The following GRB10 variants were observed in gnomAD, a reference collection of about 807,000 sequenced individuals.
GRB10 encodes growth factor receptor bound protein 10, also known as growth factor receptor-bound protein 10.
In GRB10, 20 loss-of-function variants were observed where a neutral mutation model predicts 80.9. The observed-to-expected ratio is 0.25, with a 90% confidence interval of 0.17 to 0.36. The LOEUF (loss-of-function observed/expected upper bound fraction) is 0.36, where lower values mean the gene tolerates loss of function less well. Ranked by LOEUF, GRB10 falls within the 10% of genes least tolerant of loss-of-function variation. GRB10 has a pLI of 1.00. For missense variants in GRB10, 548 were observed against 747.7 expected (o/e 0.73, Z 3.12); for synonymous variants, 291 against 291.5 (o/e 1.00, Z 0.02).
chr7:50,767,572 G>A (rs1180765035), intron 2 of GRB10, among the ~76,000 whole-genome samples: 6 of 152,044 alleles, frequency 3.9e-5, no homozygotes, highest in South Asian at 2.1e-4. Flanking sequence ...TCCACCCATC[G>A]CACTCTTGAG....
intron 17 of GRB10, among the ~76,000 whole-genome samples, chr7:50,600,031 C>T (rs1317240215): frequency 6.6e-6 from 1 of 152,144 alleles, no homozygotes; most frequent in South Asian, 2.1e-4. Context: ...GCCACAGCAC[C>T]AAATAAAGCC....
intron 17 of GRB10, among the ~76,000 whole-genome samples, chr7:50,600,141 C>A (rs750178744): frequency 6.6e-6 from 1 of 152,194 alleles, no homozygotes; most frequent in African/African-American, 2.4e-5. Flanking sequence ...CCCCCTAGAA[C>A]ATTCTGGGCC....
chr7:50,674,986 A>C (rs1341129783), intron 5 of GRB10, among the ~76,000 whole-genome samples: 3 of 151,986 alleles, frequency 2.0e-5, no homozygotes, highest in Non-Finnish European at 2.9e-5. Context: ...TAGGCCGCAC[A>C]CAGCCACAGC....
chr7:50,657,476 CAA>C (rs2058760034), intron 7 of GRB10, among the ~76,000 whole-genome samples: 1 of 152,068 alleles, frequency 6.6e-6, no homozygotes, highest in African/African-American at 2.4e-5. Context: ...TACCCGTGAA[CAA>C]AAAGAGAGGA....
rs115786736 is a variant in GRB10, at chr7:50,602,291, C to T, written c.1544+1707G>A. On this transcript the variant is annotated intron_variant, in intron 17 of 18. Transcript: ENST00000401949. ...GCAAGTTCACCAAGGGCTGCTAAAA[C>T]CATGTGGTGGACGGGGACGGTAGCC... Among the ~76,000 whole-genome samples the T allele has an allele frequency of 1.5e-3, 230 of 152,316 alleles. 3 individuals carry two copies. Among genetic ancestry groups the T allele is most frequent in the African/African-American group, 5.2e-3 (218 of 41,560 alleles).
Position 50,674,653 on chromosome 7 carries a change from C to A in GRB10, c.145G>T (p.Asp49Tyr). The change falls in exon 6 of 19, where the codon GAT becomes TAT. Residue 49 changes from aspartate (D) to tyrosine (Y), a missense_variant. Around this residue, in one of 4 missense-constraint regions of GRB10, gnomAD observed 245 missense variants for 229.3 expected, o/e 1.07. Transcript: ENST00000401949. ...TTCACCAGGGCTTCCAGGTCCACAT[C>A]ATCCTCTGCACAGAAAAAGGCAAGA... ...SDRLANHQED[D>Y]VDLEALVNDM... 3 of 1,613,622 alleles carry A rather than the reference C, an allele frequency of 1.9e-6. No homozygotes were observed. Among genetic ancestry groups the A allele is most frequent in the Non-Finnish European group, 2.5e-6 (3 of 1,179,930 alleles).
intron 5 of GRB10, among the ~76,000 whole-genome samples, chr7:50,680,910 T>C (rs903849170): frequency 2.0e-5 from 3 of 152,158 alleles, no homozygotes; most frequent in Admixed American, 6.5e-5. Flanking sequence ...TTCTGCTACC[T>C]TGAAACTCCA....
intron 4 of GRB10, among the ~76,000 whole-genome samples, chr7:50,704,589 T>C (rs970076977): frequency 6.6e-6 from 1 of 152,256 alleles, no homozygotes; most frequent in South Asian, 2.1e-4. Flanking sequence ...TTATGATGCA[T>C]ATGTACCACT....
intron 2 of GRB10, among the ~76,000 whole-genome samples, chr7:50,777,447 C>CACAA (rs2077792311): frequency 6.6e-6 from 1 of 151,884 alleles, no homozygotes; most frequent in Non-Finnish European, 1.5e-5. Context: ...CACACACACA[C>CACAA]ACACACACAC....
At position 50,607,836 on chromosome 7, in the gene GRB10, C is replaced by T. The variant is rs972803534; in HGVS notation, c.1195-1422G>A. ...GTCTCATACACATCCAGCATCCCAA[C>T]CTACACACCCAAATCACACATTCCA... is the stretch of plus-strand genomic sequence containing the variant. On this transcript the variant is annotated intron_variant, in intron 13 of 18. Transcript: ENST00000401949. 4.6e-5 allele frequency among the ~76,000 whole-genome samples: 7 copies of T among 152,284 alleles called. No individual in the cohort carries two copies. The South Asian group carries it at 1.4e-3, about 32-fold the overall frequency.
intron 3 of GRB10, among the ~76,000 whole-genome samples, chr7:50,749,399 G>T (rs2073735624): frequency 6.6e-6 from 1 of 152,020 alleles, no homozygotes; most frequent in Non-Finnish European, 1.5e-5. Context: ...AAAGTGCTGG[G>T]ATTACAGGCA....
At position 50,705,263 on chromosome 7, in the gene GRB10, TAGA is replaced by T. The variant is rs3214247; in HGVS notation, c.52-1358_52-1356del. 55 of 985,730 alleles carry T rather than the reference TAGA, an allele frequency of 5.6e-5. No homozygotes were observed. In the South Asian group the frequency reaches 1.7e-3, roughly 30 times the overall value. The allele number at this position is 985,730 out of a possible 1,614,324, so 61.1% of individuals were successfully genotyped here. On this transcript the variant is annotated intron_variant, in intron 4 of 18. Transcript: ENST00000401949. ...GGTCAGCTCACCCACATCTACCACTTAGAAGGAGGATGTTTGTTCCCTGGGAGG... is the reference window on the plus strand; with the variant it reads ...GGTCAGCTCACCCACATCTACCACTTAGGAGGATGTTTGTTCCCTGGGAGG...
At chr7:50,700,839 T>C (rs370988181) in intron 5 of GRB10, among the ~76,000 whole-genome samples, 2 of 152,224 alleles carry the variant, frequency 1.3e-5, no homozygotes, top group South Asian at 2.1e-4. Flanking sequence ...ATGAAATAGA[T>C]TGCTTAAAAT....
intron 13 of GRB10, among the ~76,000 whole-genome samples, chr7:50,609,121 G>C (rs2049041095): frequency 6.6e-6 from 1 of 152,058 alleles, no homozygotes; most frequent in Non-Finnish European, 1.5e-5. Context: ...GGGACAACCT[G>C]GAAAAAACTG....
rs527629576 is a variant in GRB10 at position 50,682,666 on chromosome 7, A to G, written c.140-8008T>C. On this transcript the variant is annotated intron_variant, in intron 5 of 18. Coordinates refer to ENST00000401949, the MANE Select transcript of GRB10 (RefSeq NM_001350814.2). ...GTCACTTTATAGCAGTGGTTTGAAAAGTTTTAAATCAGAAATGAGTATTTA... is the reference window on the plus strand; with the variant it reads ...GTCACTTTATAGCAGTGGTTTGAAAGGTTTTAAATCAGAAATGAGTATTTA... Among the ~76,000 whole-genome samples, 276 of 152,354 alleles carry G rather than the reference A, an allele frequency of 1.8e-3. 2 individuals carry two copies. The highest frequency in any genetic ancestry group is 3.1e-3 in the Admixed American group (47 of 15,310).
At chr7:50,792,546 G>C (rs371023908) in intron 1 of GRB10, 4 of 398,412 alleles carry the variant, frequency 1.0e-5, no homozygotes, top group African/African-American at 6.2e-5. Flanking sequence ...TTCTGCAAAC[G>C]GTACCGCTCT....
chr7:50,682,869 G>A (rs941030572), intron 5 of GRB10, among the ~76,000 whole-genome samples: 1 of 152,122 alleles, frequency 6.6e-6, no homozygotes, highest in Non-Finnish European at 1.5e-5. Context: ...GTTGCAATGG[G>A]GAAATTTGGG....
At chr7:50,643,665 CCT>C (rs2056685376) in intron 7 of GRB10, among the ~76,000 whole-genome samples, 4 of 152,054 alleles carry the variant, frequency 2.6e-5, no homozygotes, top group African/African-American at 9.7e-5. Context: ...AGTGAGTAAC[CCT>C]GTTTTTAGTC....
chr7:50,723,081 C>G (rs1587489783), intron 4 of GRB10, among the ~76,000 whole-genome samples: 2 of 152,256 alleles, frequency 1.3e-5, no homozygotes, highest in East Asian at 3.9e-4. Flanking sequence ...ATAAAATTTA[C>G]TTTTCTTTTA....
Sources: allele counts gnomAD v4.1 joint callset (sites outside exome capture counted in the v4.1 genomes callset), GRCh38; gene constraint gnomAD v4.1.1; regional missense constraint gnomAD v4.1.1; transcripts MANE v1.5; gene names NCBI Gene and HGNC (gene_info 2026-07-23, HGNC 2026-07-21).